Variants in UBA6 observed in about 807,000 individuals in gnomAD.
UBA6 encodes ubiquitin like modifier activating enzyme 6.
UBA6 carries 87 observed loss-of-function variants against 148.3 expected under a neutral mutation model. The ratio of observed to expected loss-of-function variants is 0.59; its 90% CI spans 0.49 to 0.70. The LOEUF (loss-of-function observed/expected upper bound fraction) is 0.70, where lower values mean the gene tolerates loss of function less well. Ranked by LOEUF, UBA6 falls within the 30% of genes least tolerant of loss-of-function variation. The pLI is 0.00. For synonymous variants in UBA6, 376 were observed against 401.0 expected (o/e 0.94, Z 0.75); for missense variants, 1,186 against 1,241.2 (o/e 0.96, Z 0.67).
intron 30 of UBA6, 58 bp downstream of exon 30, chr4:67,624,068 A>G: frequency 7.1e-7 from 1 of 1,407,772 alleles, no homozygotes; most frequent in East Asian, 2.4e-5. Flanking sequence ...TCCCTTTTAA[A>G]AGGTAAAATA....
chr4:67,631,473 T>C (rs1238001754), intron 25 of UBA6, among the ~76,000 whole-genome samples: 1 of 152,248 alleles, frequency 6.6e-6, no homozygotes, highest in African/African-American at 2.4e-5. Context: ...TCACCTTAGA[T>C]ATTTATTATA....
chr4:67,658,676 T>A (rs1729765997), intron 13 of UBA6, among the ~76,000 whole-genome samples: 1 of 151,962 alleles, frequency 6.6e-6, no homozygotes, highest in Admixed American at 6.6e-5. Context: ...CATGTAACCC[T>A]AAAGTTAAAA....
intron 9 of UBA6, among the ~76,000 whole-genome samples, chr4:67,668,288 T>G (rs995345862): frequency 2.6e-5 from 4 of 152,164 alleles, no homozygotes; most frequent in South Asian, 2.1e-4. Context: ...AATGCAACCT[T>G]CACATTTTAA....
Position 67,624,238 on chromosome 4 carries a change from T to A in UBA6, c.2728A>T (p.Ile910Phe), listed in dbSNP as rs767539683. ...TVSGLVALEM[I>F]KVTGGYPFEA... ...AATGGATAGCCACCAGTTACTTTGA[T>A]CATCTCCAAGGCAACCTAGATAAAA... is the stretch of plus-strand genomic sequence containing the variant. Residue 910 changes from isoleucine (I) to phenylalanine (F), a missense_variant, in exon 30 of 33, where the codon ATC becomes TTC. Transcript: ENST00000322244. The A allele has an allele frequency of 6.2e-7, 1 of 1,608,612 alleles. No homozygotes were observed. The highest frequency in any genetic ancestry group is 1.1e-5 in the South Asian group (1 of 89,918).
intron 2 of UBA6, among the ~76,000 whole-genome samples, chr4:67,691,180 C>G (rs1335673683): frequency 1.3e-5 from 2 of 150,792 alleles, no homozygotes; most frequent in Admixed American, 6.6e-5. Flanking sequence ...CTAGAAATAC[C>G]CAAAAATTAA....
chr4:67,639,438 A>G (rs1482126047), intron 18 of UBA6, among the ~76,000 whole-genome samples: 2 of 152,162 alleles, frequency 1.3e-5, no homozygotes, highest in African/African-American at 4.8e-5. Flanking sequence ...TTTCCCTAGT[A>G]ATGATGTTTG....
At chr4:67,637,370 GC>G in intron 19 of UBA6, among the ~76,000 whole-genome samples, 1 of 150,104 alleles carries the variant, frequency 6.7e-6, no homozygotes, top group Admixed American at 6.6e-5. Context: ...GGGCGCCTCT[GC>G]CCAGCCACCC....
chr4:67,622,002 G>C (rs1728763019), intron 32 of UBA6, among the ~76,000 whole-genome samples: 1 of 152,130 alleles, frequency 6.6e-6, no homozygotes. Flanking sequence ...GACTTGGCCA[G>C]GTCACTGTCT....
At position 67,633,439 on chromosome 4, in the gene UBA6, A is replaced by G; in HGVS notation, c.2048T>C (p.Phe683Ser). Residue 683 changes from phenylalanine (F) to serine (S), a missense_variant, in exon 23 of 33, where the codon TTT becomes TCT. Coordinates refer to ENST00000322244, the MANE Select transcript of UBA6 (RefSeq NM_018227.6). ...TCTGCTAAGTAACTTTATAACTTGAAAACAGCCTTCTAAACTGTGTCCACT... is the reference window on the plus strand; with the variant it reads ...TCTGCTAAGTAACTTTATAACTTGAGAACAGCCTTCTAAACTGTGTCCACT... Reference protein sequence around the residue: ...IQSGHSLEGCFQVIKLLSRRP... With the variant: ...IQSGHSLEGCSQVIKLLSRRP... 6.2e-7 allele frequency: 1 copy of G among 1,610,514 alleles called. No homozygotes were observed. Among genetic ancestry groups the G allele is most frequent in the South Asian group, 1.1e-5 (1 of 90,566 alleles).
At chr4:67,623,261 T>C (rs1728792698) in intron 30 of UBA6, 39 bp from the exon 31 acceptor site, 2 of 1,529,888 alleles carry the variant, frequency 1.3e-6, no homozygotes, top group Non-Finnish European at 1.8e-6. Context: ...ACATTGAAAT[T>C]TTCTTCCTTT....
Position 67,622,842 on chromosome 4 carries a change from T to C in UBA6, c.3012A>G (p.Arg1004=), listed in dbSNP as rs1353009329. 1.9e-6 allele frequency: 3 copies of C among 1,609,922 alleles called. No individual in the cohort carries two copies. Among genetic ancestry groups the C allele is most frequent in the Admixed American group, 3.4e-5 (2 of 59,086 alleles). ...YVPVMPGHAK[R]LKLTMHKLVK... is the part of the protein sequence containing the mutation. ...TGTTGAATACTTACGTTAACTTCAA[T>C]CTTTTTGCATGACCAGGCATTACAG... Residue 1004 remains arginine (R), a synonymous_variant, in exon 32 of 33, where the codon AGA becomes AGG. Coordinates refer to ENST00000322244, the MANE Select transcript of UBA6 (RefSeq NM_018227.6).
intron 9 of UBA6, among the ~76,000 whole-genome samples, chr4:67,666,096 C>G (rs1452909557): frequency 2.0e-5 from 3 of 152,054 alleles, no homozygotes; most frequent in Admixed American, 6.5e-5. Context: ...GCCAAGGCAG[C>G]AGGATCACTT....
At chr4:67,647,437 C>T (rs1177315558) in intron 14 of UBA6, among the ~76,000 whole-genome samples, 8 of 152,042 alleles carry the variant, frequency 5.3e-5, no homozygotes, top group African/African-American at 1.2e-4. Context: ...TGAGCCACTG[C>T]GCCCAGTCAT....
intron 19 of UBA6, among the ~76,000 whole-genome samples, chr4:67,637,364 G>A (rs1183229426): frequency 6.7e-6 from 1 of 149,576 alleles, no homozygotes; most frequent in Non-Finnish European, 1.5e-5. Flanking sequence ...AGGTGGGGGC[G>A]CCTCTGCCCA....
intron 13 of UBA6, among the ~76,000 whole-genome samples, chr4:67,661,227 C>T (rs1314293688): frequency 7.2e-5 from 11 of 152,034 alleles, no homozygotes; most frequent in South Asian, 2.1e-4. Context: ...TGTTTTGAAA[C>T]GTGAGTACAT....
intron 6 of UBA6, among the ~76,000 whole-genome samples, chr4:67,677,347 T>C (rs185062657): frequency 3.3e-5 from 5 of 152,340 alleles, no homozygotes; most frequent in Non-Finnish European, 4.4e-5. Context: ...AATAAATGCA[T>C]GTTGCTATAA....
intron 14 of UBA6, among the ~76,000 whole-genome samples, chr4:67,647,733 CAG>C (rs997590312): frequency 2.0e-5 from 3 of 150,424 alleles, no homozygotes; most frequent in Non-Finnish European, 4.4e-5. Context: ...TATTATAACA[CAG>C]AATCTATATT....
intron 13 of UBA6, among the ~76,000 whole-genome samples, chr4:67,660,517 T>C (rs762455161): frequency 6.6e-6 from 1 of 152,208 alleles, no homozygotes; most frequent in African/African-American, 2.4e-5. Context: ...GGTGTTGGGC[T>C]GTGGGTGCAC....
chr4:67,668,514 A>G (rs373269157), intron 9 of UBA6, 37 bp downstream of exon 9: 12 of 1,578,458 alleles, frequency 7.6e-6, no homozygotes, highest in Middle Eastern at 1.9e-4. Context: ...AATTTGCTGA[A>G]TAAGTATAAA....
Sources: allele counts gnomAD v4.1 joint callset (sites outside exome capture counted in the v4.1 genomes callset), GRCh38; gene constraint gnomAD v4.1.1; transcripts MANE v1.5; gene names NCBI Gene and HGNC (gene_info 2026-07-23, HGNC 2026-07-21).